Variants in SCN11A observed in about 807,000 individuals in gnomAD.
SCN11A encodes the protein sodium voltage-gated channel alpha subunit 11.
A neutral mutation model predicts 162.2 loss-of-function variants in SCN11A; 122 were observed. The ratio of observed to expected loss-of-function variants is 0.75; its 90% CI spans 0.65 to 0.87. The LOEUF is 0.87. Ranked by LOEUF, SCN11A falls within the 40% of genes least tolerant of loss-of-function variation. The pLI is 0.00. For missense variants in SCN11A, 2,015 were observed against 2,181.6 expected, an observed-to-expected ratio of 0.92 and a Z score of 1.52; for synonymous variants, 758 against 751.5, an observed-to-expected ratio of 1.01 and a Z score of -0.14.
chr3:38,952,512 T>C (rs2066634412), intron 4 of SCN11A, among the ~76,000 whole-genome samples: 1 of 152,192 alleles, frequency 6.6e-6, no homozygotes, highest in Admixed American at 6.5e-5. Flanking sequence ...CTAGGCATGG[T>C]GCTAGGCACT....
intron 2 of SCN11A, among the ~76,000 whole-genome samples, chr3:38,969,153 G>T: frequency 6.6e-6 from 1 of 152,198 alleles, no homozygotes; most frequent in Admixed American, 6.5e-5. Context: ...CAGGCAGGCA[G>T]GCATGCTGCC....
intron 7 of SCN11A, among the ~76,000 whole-genome samples, chr3:38,944,038 C>T (rs1036207195): frequency 1.5e-4 from 23 of 152,250 alleles, no homozygotes; most frequent in Admixed American, 1.5e-3. Context: ...CTTAAGTGAT[C>T]ATTACACAGT....
In SCN11A at chr3:38,878,503, T is replaced by C. The variant is rs572649706; in HGVS notation, c.3393+1447A>G. On this transcript the variant is annotated intron_variant, in intron 23 of 29. Transcript: ENST00000302328. ...GAGTTCCCTATAATGGAGATAACAATCATCTGTTCACACAGTTTTTAGGGT... is the reference window on the plus strand; with the variant it reads ...GAGTTCCCTATAATGGAGATAACAACCATCTGTTCACACAGTTTTTAGGGT... 1.4e-4 allele frequency among the ~76,000 whole-genome samples: 21 copies of C among 152,190 alleles called. No individual in the cohort carries two copies. In the East Asian group the frequency reaches 3.5e-3, roughly 25 times the overall value.
intron 7 of SCN11A, among the ~76,000 whole-genome samples, chr3:38,927,393 T>C (rs779258309): frequency 3.9e-5 from 6 of 152,208 alleles, no homozygotes; most frequent in Non-Finnish European, 8.8e-5. Context: ...CCCAGGGTGA[T>C]CTACAGATTC....
At chr3:38,958,083 G>A (rs746953085) in intron 3 of SCN11A, among the ~76,000 whole-genome samples, 1 of 152,180 alleles carries the variant, frequency 6.6e-6, no homozygotes, top group Admixed American at 6.5e-5. Flanking sequence ...TTATGAATTC[G>A]CCTGTAGTTA....
chr3:38,959,333 G>A (rs777443266), intron 3 of SCN11A, among the ~76,000 whole-genome samples: 13 of 152,146 alleles, frequency 8.5e-5, no homozygotes, highest in African/African-American at 1.7e-4. Context: ...ATCTCAAGCC[G>A]AAACAATTCC....
chr3:38,918,281 A>T (rs1310576981), intron 11 of SCN11A, among the ~76,000 whole-genome samples: 2 of 152,138 alleles, frequency 1.3e-5, no homozygotes, highest in East Asian at 3.9e-4. Context: ...TAAGACAGGG[A>T]TCCCCAAACC....
intron 11 of SCN11A, among the ~76,000 whole-genome samples, chr3:38,910,513 C>T (rs2065872285): frequency 1.3e-5 from 2 of 151,838 alleles, no homozygotes; most frequent in South Asian, 2.1e-4. Flanking sequence ...CCTGATCCCA[C>T]TTCTTAGAGG....
intron 23 of SCN11A, among the ~76,000 whole-genome samples, chr3:38,879,592 G>A (rs929497488): frequency 6.6e-6 from 1 of 152,166 alleles, no homozygotes; most frequent in African/African-American, 2.4e-5. Flanking sequence ...CCAGCTTTGA[G>A]AAGTCTTGAA....
chr3:38,884,708 G>A (rs1456708927), intron 21 of SCN11A, among the ~76,000 whole-genome samples: 1 of 152,296 alleles, frequency 6.6e-6, no homozygotes, highest in Non-Finnish European at 1.5e-5. Flanking sequence ...AGGAAAGCCT[G>A]CATTTATTGA....
At chr3:39,000,594 T>G (rs547535283) in intron 2 of SCN11A, among the ~76,000 whole-genome samples, 3 of 152,244 alleles carry the variant, frequency 2.0e-5, no homozygotes, top group Non-Finnish European at 2.9e-5. Context: ...ATTTACCACA[T>G]GCAACTTAAT....
chr3:38,906,873 C>A (rs969487971), intron 14 of SCN11A, among the ~76,000 whole-genome samples: 1 of 152,076 alleles, frequency 6.6e-6, no homozygotes, highest in Non-Finnish European at 1.5e-5. Flanking sequence ...ATCACTATAG[C>A]CTTGTGCCAC....
chr3:38,891,297 C>T (rs1006778918), intron 19 of SCN11A, among the ~76,000 whole-genome samples: 3 of 152,018 alleles, frequency 2.0e-5, no homozygotes, highest in Non-Finnish European at 1.5e-5. Flanking sequence ...ACCAACAGTA[C>T]ATTTGAAGAA....
chr3:38,985,274 C>G, intron 2 of SCN11A, among the ~76,000 whole-genome samples: 1 of 149,482 alleles, frequency 6.7e-6, no homozygotes, highest in East Asian at 1.9e-4. Flanking sequence ...ACTACAGGCA[C>G]CCGCCACTAC....
At chr3:38,866,184 T>C (rs1280938744) in intron 27 of SCN11A, among the ~76,000 whole-genome samples, 1 of 151,970 alleles carries the variant, frequency 6.6e-6, no homozygotes, top group Non-Finnish European at 1.5e-5. Flanking sequence ...TAATATGCAA[T>C]GTAATTCAGC....
intron 9 of SCN11A, 21 bp downstream of exon 9, chr3:38,925,394 T>C (rs2066122186): frequency 6.6e-7 from 1 of 1,513,078 alleles, no homozygotes; most frequent in Non-Finnish European, 9.2e-7. Flanking sequence ...GGAGCCAGTG[T>C]GGAAAGTGAG....
intron 7 of SCN11A, among the ~76,000 whole-genome samples, chr3:38,933,361 A>T (rs1177360251): frequency 2.0e-5 from 3 of 152,258 alleles, no homozygotes; most frequent in Non-Finnish European, 2.9e-5. Flanking sequence ...GCAACGGAAC[A>T]AAGCAGGACG....
At chr3:38,895,233 T>TA (rs1255547097) in intron 18 of SCN11A, among the ~76,000 whole-genome samples, 1 of 152,208 alleles carries the variant, frequency 6.6e-6, no homozygotes, top group Non-Finnish European at 1.5e-5. Context: ...AGTAGACCCT[T>TA]ACCAGGGTAA....
At chr3:38,937,328 T>C (rs1258816017) in intron 7 of SCN11A, among the ~76,000 whole-genome samples, 3 of 150,242 alleles carry the variant, frequency 2.0e-5, no homozygotes, top group Non-Finnish European at 4.5e-5. Context: ...ACTTCATGTC[T>C]AAAACACCAA....
Sources: allele counts gnomAD v4.1 joint callset (sites outside exome capture counted in the v4.1 genomes callset), GRCh38; gene constraint gnomAD v4.1.1; transcripts MANE v1.5; gene names NCBI Gene and HGNC (gene_info 2026-07-23, HGNC 2026-07-21).